Variants in ZBTB44 observed in about 807,000 individuals in gnomAD.
The protein encoded by ZBTB44 is zinc finger and BTB domain-containing protein 44.
A neutral mutation model predicts 54.0 loss-of-function variants in ZBTB44; 15 were observed. The observed-to-expected ratio is 0.28, with a 90% CI of 0.19 to 0.43. The LOEUF is 0.43. ZBTB44 is among the 20% of genes least tolerant of loss of function. ZBTB44 has a pLI of 1.00. For missense variants in ZBTB44, 487 were observed against 707.1 expected (o/e 0.69, Z 3.53); for synonymous variants, 230 against 250.1 (o/e 0.92, Z 0.76).
intron 1 of ZBTB44, among the ~76,000 whole-genome samples, chr11:130,293,670 G>C (rs1434256681): frequency 6.6e-6 from 1 of 151,134 alleles, no homozygotes; most frequent in African/African-American, 2.4e-5. Context: ...GGTGGTGCAC[G>C]CCGTCATCTC....
chr11:130,309,828 G>A (rs1942485359), intron 1 of ZBTB44, among the ~76,000 whole-genome samples: 1 of 150,614 alleles, frequency 6.6e-6, no homozygotes, highest in Admixed American at 6.6e-5. Flanking sequence ...GGGGGCAGAG[G>A]TGGATTGCAG....
intron 6 of ZBTB44, 126 bp downstream of exon 6, chr11:130,234,030 G>A: frequency 6.6e-7 from 1 of 1,524,606 alleles, no homozygotes; most frequent in South Asian, 1.2e-5. Context: ...ATTTTGGGGG[G>A]TCATCTCTGG....
At chr11:130,305,586 C>T (rs547188432) in intron 1 of ZBTB44, among the ~76,000 whole-genome samples, 3 of 152,284 alleles carry the variant, frequency 2.0e-5, no homozygotes, top group Admixed American at 1.3e-4. Context: ...CTTTATCTTT[C>T]ATCTTACACA....
chr11:130,239,621 A>C lies in ZBTB44; in HGVS notation c.1103+191T>G, dbSNP rs562287009. 1.9e-4 allele frequency: 85 copies of C among 436,876 alleles called. No homozygotes were observed. In the South Asian group the frequency reaches 2.2e-3, roughly 11 times the overall value. 27.1% of individuals were successfully genotyped at this position (436,876 alleles called of 1,614,324 possible). A position where few individuals can be genotyped will look rare whatever the true frequency, so the allele number is the denominator to read the frequency against. ...AAGCAATGGGACTAGGTAGTTTTGG[A>C]AATGCTGGGGAAAAAAAAAAGCCTT... On this transcript the variant is annotated intron_variant, in intron 3 of 7. Transcript: ENST00000357899.
rs187922352 is a variant in ZBTB44, at chr11:130,250,133, C to T, written c.1019-10237G>A. ...TGAGTAGTTGGTTTTCCCCTGACAG[C>T]GCTAAAAAGGCCTGGAAGTTCCAAC... On this transcript the variant is annotated intron_variant, in intron 2 of 7. Coordinates refer to ENST00000357899, the MANE Select transcript of ZBTB44 (RefSeq NM_001301098.2). 1.3e-4 allele frequency among the ~76,000 whole-genome samples: 20 copies of T among 152,264 alleles called. No individual in the cohort carries two copies. The South Asian group carries it at 2.9e-3, about 22-fold the overall frequency.
chr11:130,305,343 C>T lies in ZBTB44; in HGVS notation c.-57+9032G>A, dbSNP rs190822841. On this transcript the variant is annotated intron_variant, in intron 1 of 7. Transcript: ENST00000357899. ...AACAAATCTGGAGGAACCACATTAC[C>T]TGACTTCAAACTACACTACAAGGCT... 7.7e-3 allele frequency among the ~76,000 whole-genome samples: 1,180 copies of T among 152,292 alleles called. 6 individuals are homozygous for T. The highest frequency in any genetic ancestry group is 0.02 in the Middle Eastern group (6 of 294).
intron 1 of ZBTB44, among the ~76,000 whole-genome samples, chr11:130,290,250 A>G (rs1002759134): frequency 2.0e-5 from 3 of 152,230 alleles, no homozygotes; most frequent in African/African-American, 7.2e-5. Flanking sequence ...TGCAGCCCAC[A>G]TAAGCTGCAA....
rs1937809119 is a variant in ZBTB44, at chr11:130,249,436, G to GTA, written c.1019-9541_1019-9540insTA. The stretch of plus-strand genomic sequence containing the variant: ...CACAACTATTTTGACCCCAATTCAG[G>GTA]AATATGAACTTCAGTGGCTGCTGTG... On this transcript the variant is annotated intron_variant, in intron 2 of 7. Coordinates refer to ENST00000357899, the MANE Select transcript of ZBTB44 (RefSeq NM_001301098.2). Among the ~76,000 whole-genome samples, 38 of 152,254 alleles carry GTA rather than the reference G, an allele frequency of 2.5e-4. 1 individual carries two copies. The South Asian group carries it at 7.9e-3, about 32-fold the overall frequency.
intron 1 of ZBTB44, among the ~76,000 whole-genome samples, chr11:130,305,052 G>A (rs1413406857): frequency 6.6e-6 from 1 of 152,094 alleles, no homozygotes; most frequent in East Asian, 1.9e-4. Flanking sequence ...ACCTAACCAA[G>A]GAGGTGAAAG....
intron 1 of ZBTB44, among the ~76,000 whole-genome samples, chr11:130,303,357 C>T (rs1443214672): frequency 6.6e-6 from 1 of 152,168 alleles, no homozygotes; most frequent in Admixed American, 6.6e-5. Context: ...ATACCAAGGC[C>T]GGGCACAGTG....
At chr11:130,295,918 G>T (rs527514211) in intron 1 of ZBTB44, 11 of 1,517,026 alleles carry the variant, frequency 7.3e-6, no homozygotes, top group Admixed American at 1.7e-5. Flanking sequence ...TGGCAGTAAC[G>T]GATCTGCTGA....
intron 1 of ZBTB44, among the ~76,000 whole-genome samples, chr11:130,277,853 A>T (rs369891004): frequency 1.2e-4 from 18 of 152,216 alleles, no homozygotes; most frequent in African/African-American, 3.9e-4. Flanking sequence ...GCTTTCATTT[A>T]AAAAAGATAG....
intron 1 of ZBTB44, among the ~76,000 whole-genome samples, chr11:130,265,530 C>T (rs1171912802): frequency 1.3e-5 from 2 of 152,164 alleles, no homozygotes; most frequent in Non-Finnish European, 2.9e-5. Context: ...GTGAGGAAGG[C>T]ATGTTGAGAG....
At chr11:130,280,315 T>C (rs1457449059) in intron 1 of ZBTB44, among the ~76,000 whole-genome samples, 1 of 152,218 alleles carries the variant, frequency 6.6e-6, no homozygotes, top group East Asian at 1.9e-4. Context: ...AAACATATCT[T>C]AGGTACGTTA....
intron 1 of ZBTB44, among the ~76,000 whole-genome samples, chr11:130,307,987 AAGT>A (rs780795285): frequency 5.3e-5 from 8 of 152,114 alleles, no homozygotes; most frequent in Non-Finnish European, 1.2e-4. Context: ...CCGCCTCCCA[AAGT>A]ACTGGGATTA....
chr11:130,233,996 C>G, intron 6 of ZBTB44, 160 bp downstream of exon 6: 1 of 1,460,030 alleles, frequency 6.8e-7, no homozygotes, highest in Non-Finnish European at 9.1e-7. Context: ...CAAAACTACT[C>G]AATAGTTATA....
Position 130,234,292 on chromosome 11 carries a change from A to G in ZBTB44, c.1569-19T>C, listed in dbSNP as rs767350346. 2 of 1,511,840 alleles carry G rather than the reference A, an allele frequency of 1.3e-6. No homozygotes were observed. The highest frequency in any genetic ancestry group is 1.8e-6 in the Non-Finnish European group (2 of 1,128,938). 93.7% of individuals were successfully genotyped at this position (1,511,840 alleles called of 1,614,324 possible). A position where few individuals can be genotyped will look rare whatever the true frequency, so the allele number is the denominator to read the frequency against. On this transcript the variant is annotated intron_variant, in intron 5 of 7. Transcript: ENST00000357899. ...GAAATCACTAGATAAGAGGCAAAGG[A>G]TGAAATATGGAATTAATTTTCAAAC...
At chr11:130,262,207 T>G (rs1294719272) in intron 1 of ZBTB44, among the ~76,000 whole-genome samples, 1 of 152,186 alleles carries the variant, frequency 6.6e-6, no homozygotes, top group Non-Finnish European at 1.5e-5. Flanking sequence ...CGGGGTGGTC[T>G]TGGCTCACTG....
rs141824340 is a variant in ZBTB44, at chr11:130,255,443, C to G, written c.1018+5413G>C. 5.3e-3 allele frequency among the ~76,000 whole-genome samples: 804 copies of G among 152,206 alleles called. 14 individuals carry two copies. The highest frequency in any genetic ancestry group is 0.019 in the African/African-American group (772 of 41,526). ...AATTTATAGCACTAAATGCTCACATCAGAAAGTGGGAAAGATGTAAAATCT... is the reference window on the plus strand; with the variant it reads ...AATTTATAGCACTAAATGCTCACATGAGAAAGTGGGAAAGATGTAAAATCT... On this transcript the variant is annotated intron_variant, in intron 2 of 7. Coordinates refer to ENST00000357899, the MANE Select transcript of ZBTB44 (RefSeq NM_001301098.2).
Sources: allele counts gnomAD v4.1 joint callset (sites outside exome capture counted in the v4.1 genomes callset), GRCh38; gene constraint gnomAD v4.1.1; transcripts MANE v1.5; gene names NCBI Gene and HGNC (gene_info 2026-07-23, HGNC 2026-07-21).